The following PRPF31 variants were observed in gnomAD, a reference collection of about 807,000 sequenced individuals.
PRPF31 encodes U4/U6 small nuclear ribonucleoprotein Prp31.
In PRPF31, 12 loss-of-function variants were observed where a neutral mutation model predicts 60.4. The observed-to-expected ratio is 0.20, with a 90% CI of 0.13 to 0.32. PRPF31 has a LOEUF of 0.32. Among genes scored for constraint, PRPF31 ranks in the 10% least tolerant of loss-of-function variants. The pLI is 1.00. For missense variants in PRPF31, 431 were observed against 687.1 expected, an observed-to-expected ratio of 0.63 and a Z score of 4.17; for synonymous variants, 287 against 287.9, an observed-to-expected ratio of 1.00 and a Z score of 0.03.
At chr19:54,123,954 C>T in intron 7 of PRPF31, 36 bp downstream of exon 7, 1 of 1,610,978 alleles carries the variant, frequency 6.2e-7, no homozygotes, top group Non-Finnish European at 8.5e-7. Flanking sequence ...GAGCGGGGGT[C>T]TGCTGACACT....
rs199923180 is a variant in PRPF31 at position 54,123,588 on chromosome 19, G to C, written c.527+28G>C. 1.9e-6 allele frequency: 3 copies of C among 1,610,188 alleles called. No individual in the cohort carries two copies. The South Asian group carries it at 3.3e-5, about 18-fold the overall frequency. ...ATGTCCGCTTCGAGGGAGGCGCCGG[G>C]CCCTAATGGGATTGGGGATTAGGCT... On this transcript the variant is annotated intron_variant, in intron 6 of 13. Coordinates refer to ENST00000321030, the MANE Select transcript of PRPF31 (RefSeq NM_015629.4).
Position 54,118,569 on chromosome 19 carries a change from A to C in PRPF31, c.178-4A>C, listed in dbSNP as rs587620805. The C allele has an allele frequency of 6.2e-7, 1 of 1,614,026 alleles. No individual in the cohort carries two copies. Among genetic ancestry groups the C allele is most frequent in the South Asian group, 1.1e-5 (1 of 91,084 alleles). The stretch of plus-strand genomic sequence containing the variant: ...GATTCTGACTGTCTTCTCCTTTCCT[A>C]CAGTTTGCTGAGATTATGATGAAGA... On this transcript the variant is annotated splice_polypyrimidine_tract_variant and splice_region_variant and intron_variant, in intron 2 of 13. Transcript: ENST00000321030.
At chr19:54,118,482 AG>A (rs754365677) in intron 2 of PRPF31, 27 bp downstream of exon 2, 1 of 1,613,940 alleles carries the variant, frequency 6.2e-7, no homozygotes, top group African/African-American at 1.3e-5. Context: ...TGTTCCTAGC[AG>A]GGGGCTCTAG....
intron 7 of PRPF31, 149 bp from the exon 8 acceptor site, chr19:54,124,350 G>A (rs1209252510): frequency 1.7e-5 from 14 of 818,716 alleles, no homozygotes; most frequent in Middle Eastern, 3.3e-4. Flanking sequence ...AATGGGCCAG[G>A]TCGCCCGCCT....
chr19:54,118,660 C>T, intron 3 of PRPF31, 27 bp downstream of exon 3: 1 of 1,612,060 alleles, frequency 6.2e-7, no homozygotes, highest in Non-Finnish European at 8.5e-7. Context: ...TGTGCCCCTC[C>T]CCATCTCCTG....
chr19:54,131,592 C>A lies in PRPF31; in HGVS notation c.*160C>A. 1 of 1,139,440 alleles carries A rather than the reference C, an allele frequency of 8.8e-7. No individual in the cohort carries two copies. Among genetic ancestry groups the A allele is most frequent in the Non-Finnish European group, 1.3e-6 (1 of 785,974 alleles). The allele number at this position is 1,139,440 out of a possible 1,614,324, so 70.6% of individuals were successfully genotyped here. A position where few individuals can be genotyped will look rare whatever the true frequency, so the allele number is the denominator to read the frequency against. Reference sequence around the variant, plus strand: ...AGGCCTTGGAAGAGTCCGGCCTGGCCTCCCCCAGGACCGAGATCACCGCCC... The same window carrying A: ...AGGCCTTGGAAGAGTCCGGCCTGGCATCCCCCAGGACCGAGATCACCGCCC... On this transcript the variant is annotated 3_prime_UTR_variant, in exon 14 of 14. Coordinates refer to ENST00000321030, the MANE Select transcript of PRPF31 (RefSeq NM_015629.4).
Position 54,128,128 on chromosome 19 carries a change from C to T in PRPF31, c.1001C>T (p.Pro334Leu), listed in dbSNP as rs1469059425. ...IERKFDKWQEPPPVKQVKPLP... is the reference protein window; with the variant it reads ...IERKFDKWQELPPVKQVKPLP... ...CGCAAATTCGACAAGTGGCAGGAGC[C>T]GCCGCCTGTGAAGCAGGTGAAGCCG... The change falls in exon 10 of 14, where the codon CCG (proline) becomes CTG (leucine). Residue 334 changes from proline to leucine, a missense_variant. Pro to Leu is a moderately conservative substitution (Grantham distance 98, BLOSUM62 -3). Around this residue, in one of 4 missense-constraint regions of PRPF31, gnomAD observed 314 missense variants for 475.3 expected, o/e 0.66. Coordinates refer to ENST00000321030, the MANE Select transcript of PRPF31 (RefSeq NM_015629.4). 3.2e-6 allele frequency: 5 copies of T among 1,552,682 alleles called. No individual in the cohort carries two copies. The highest frequency in any genetic ancestry group is 2.0e-5 in the Admixed American group (1 of 51,022).
chr19:54,128,431 C>CTT, intron 11 of PRPF31, 54 bp downstream of exon 11: 1 of 1,496,494 alleles, frequency 6.7e-7, no homozygotes, highest in South Asian at 1.2e-5. Context: ...CCGCCACCGC[C>CTT]CTCTGCCTCC....
At chr19:54,123,107 G>C in intron 5 of PRPF31, 1 of 504,286 alleles carries the variant, frequency 2.0e-6, no homozygotes, top group Middle Eastern at 5.4e-4. Flanking sequence ...TCCAGGAAAG[G>C]ATTAGGATGG....
intron 4 of PRPF31, 150 bp from the exon 5 acceptor site, chr19:54,122,347 G>T (rs375993573): frequency 1.3e-6 from 1 of 772,640 alleles, no homozygotes; most frequent in East Asian, 2.4e-5. Flanking sequence ...CGGTAAGGAC[G>T]GCTGAGAAAG....
At chr19:54,129,971 A>C (rs756441798) in intron 13 of PRPF31, among the ~76,000 whole-genome samples, 6 of 152,214 alleles carry the variant, frequency 3.9e-5, no homozygotes, top group Non-Finnish European at 7.3e-5. Flanking sequence ...GAAGCAACGA[A>C]TGAGAGACAA....
chr19:54,118,477 C>T, intron 2 of PRPF31, 22 bp downstream of exon 2: 1 of 1,613,828 alleles, frequency 6.2e-7, no homozygotes, highest in Non-Finnish European at 8.5e-7. Context: ...AGAGGTGTTC[C>T]TAGCAGGGGG....
rs774029653 is a variant in PRPF31 at position 54,126,633 on chromosome 19, T to A, written c.945+16T>A. Reference sequence around the variant, plus strand: ...AGAAGGGAAGGTGAGGAGGGAAAGGTGAGGGGCGGCCGGGCGTCTTTTCCT... The same window carrying A: ...AGAAGGGAAGGTGAGGAGGGAAAGGAGAGGGGCGGCCGGGCGTCTTTTCCT... On this transcript the variant is annotated intron_variant, in intron 9 of 13. Transcript: ENST00000321030. The A allele has an allele frequency of 8.1e-6, 13 of 1,610,638 alleles. No individual in the cohort carries two copies. Among genetic ancestry groups the A allele is most frequent in the Non-Finnish European group, 1.1e-5 (13 of 1,178,280 alleles).
At chr19:54,123,117 G>A (rs1323366376) in intron 5 of PRPF31, 4 of 514,120 alleles carry the variant, frequency 7.8e-6, no homozygotes, top group Non-Finnish European at 1.4e-5. Flanking sequence ...GATTAGGATG[G>A]CGGTGGGGAA....
chr19:54,119,668 T>C (rs2073740141), intron 3 of PRPF31: 1 of 152,100 alleles, frequency 6.6e-6, no homozygotes, highest in African/African-American at 2.4e-5. Context: ...GGCTATTTTG[T>C]ATTTTTTAGT....
In PRPF31 at chr19:54,124,477, TCCTC is replaced by T; in HGVS notation, c.698-11_698-8del. The T allele has an allele frequency of 5.5e-6, 8 of 1,443,672 alleles. No individual in the cohort carries two copies. Among genetic ancestry groups the T allele is most frequent in the Non-Finnish European group, 6.5e-6 (7 of 1,075,140 alleles). The allele number at this position is 1,443,672 out of a possible 1,614,324, so 89.4% of individuals were successfully genotyped here. On this transcript the variant is annotated intron_variant, in intron 7 of 13. Transcript: ENST00000321030. ...CTGCTTTCTTCTGACCGCCCCCCCT[TCCTC>T]CCTCCCTCCCACCGCAGGTGTGGCC...
rs1432505798 is a variant in PRPF31, at chr19:54,119,313, C to T, written c.238+680C>T. Among the ~76,000 whole-genome samples the T allele has an allele frequency of 4.0e-5, 6 of 151,092 alleles. No individual in the cohort carries two copies. In the South Asian group the frequency reaches 1.0e-3, roughly 26 times the overall value. ...GGGAGAATGGCGTGAACCTGGGAGGCGGAGCTTGCAGTGAGCCGAGATCGT... is the reference window on the plus strand; with the variant it reads ...GGGAGAATGGCGTGAACCTGGGAGGTGGAGCTTGCAGTGAGCCGAGATCGT... On this transcript the variant is annotated intron_variant, in intron 3 of 13. Transcript: ENST00000321030.
intron 8 of PRPF31, among the ~76,000 whole-genome samples, chr19:54,125,530 G>T (rs587606974): frequency 9.9e-4 from 150 of 151,974 alleles, no homozygotes; most frequent in African/African-American, 3.4e-3. Context: ...CAGGTTCTGG[G>T]ACAGACAGGC....
At chr19:54,116,264 G>C (rs1195960017) in intron 1 of PRPF31, among the ~76,000 whole-genome samples, 1 of 151,122 alleles carries the variant, frequency 6.6e-6, no homozygotes, top group Non-Finnish European at 1.5e-5. Context: ...GAGTGCAGTG[G>C]CGCGATCTCG....
Sources: gnomAD v4.1 joint callset for allele counts (sites outside exome capture counted in the v4.1 genomes callset) on GRCh38, gnomAD v4.1.1 for gene constraint, gnomAD v4.1.1 regional missense constraint, MANE v1.5 for transcripts, NCBI Gene and HGNC (gene_info 2026-07-23, HGNC 2026-07-21) for gene names.